PRMT7: variants seen among roughly 807,000 people sequenced by gnomAD.
PRMT7 encodes the protein protein arginine methyltransferase 7, also known as protein arginine N-methyltransferase 7.
A neutral mutation model predicts 85.4 loss-of-function variants in PRMT7; 75 were observed. The ratio of observed to expected loss-of-function variants is 0.88; its 90% CI spans 0.73 to 1.06. PRMT7 has a LOEUF of 1.06. Among genes scored for constraint, PRMT7 ranks in the 50% least tolerant of loss-of-function variants. PRMT7 has a pLI of 0.00. For synonymous variants in PRMT7, 397 were observed against 359.5 expected, an observed-to-expected ratio of 1.10 and a Z score of -1.18; for missense variants, 868 against 915.2, an observed-to-expected ratio of 0.95 and a Z score of 0.67.
downstream of PRMT7, chr16:68,360,433 T>A (rs1597573980): frequency 6.6e-6 from 1 of 151,860 alleles, no homozygotes; most frequent in Non-Finnish European, 1.5e-5. Context: ...AGGCCCAGGG[T>A]GCCAGAGCCT....
At chr16:68,314,933 A>T (rs2044494952) in intron 2 of PRMT7, among the ~76,000 whole-genome samples, 1 of 152,142 alleles carries the variant, frequency 6.6e-6, no homozygotes, top group Non-Finnish European at 1.5e-5. Context: ...TTTAAAATTA[A>T]AATTTGAATA....
At chr16:68,313,201 G>C (rs2044185871) in intron 2 of PRMT7, among the ~76,000 whole-genome samples, 1 of 152,096 alleles carries the variant, frequency 6.6e-6, no homozygotes, top group African/African-American at 2.4e-5. Context: ...GAATCCTATG[G>C]ATTAAAGTTC....
chr16:68,338,301 A>G (rs1597345609), intron 7 of PRMT7, among the ~76,000 whole-genome samples: 1 of 151,956 alleles, frequency 6.6e-6, no homozygotes, highest in East Asian at 1.9e-4. Context: ...GTGTAGAGAT[A>G]TCGATGCTAG....
chr16:68,352,202 C>T, intron 14 of PRMT7, 46 bp from the exon 15 acceptor site: 5 of 1,595,802 alleles, frequency 3.1e-6, no homozygotes, highest in East Asian at 2.2e-5. Flanking sequence ...CACTCCTGGA[C>T]CGAGCCCTAC....
At chr16:68,332,477 C>T (rs957414577) in intron 6 of PRMT7, among the ~76,000 whole-genome samples, 5 of 152,194 alleles carry the variant, frequency 3.3e-5, no homozygotes, top group African/African-American at 1.2e-4. Context: ...GCTCTAGGTG[C>T]TCAGCAGGGT....
At chr16:68,340,589 A>C (rs2085363332) in intron 9 of PRMT7, among the ~76,000 whole-genome samples, 1 of 152,184 alleles carries the variant, frequency 6.6e-6, no homozygotes, top group Admixed American at 6.5e-5. Flanking sequence ...TCTAAAAAAA[A>C]AAAAAAAGAG....
At chr16:68,324,187 A>G (rs931362881) in intron 4 of PRMT7, 2 of 155,314 alleles carry the variant, frequency 1.3e-5, no homozygotes, top group Admixed American at 6.3e-5. Flanking sequence ...AGAAGCCACA[A>G]GCATTGAGGA....
intron 14 of PRMT7, chr16:68,352,019 C>T (rs927277387): frequency 2.0e-6 from 1 of 493,958 alleles, no homozygotes; most frequent in African/African-American, 2.0e-5. Context: ...TCTTTACAGC[C>T]TCCAGGGCAG....
At chr16:68,330,173 C>T (rs1202524698) in intron 6 of PRMT7, among the ~76,000 whole-genome samples, 3 of 152,150 alleles carry the variant, frequency 2.0e-5, no homozygotes, top group East Asian at 1.9e-4. Context: ...GGATTATAAG[C>T]GTGAGCCACC....
intron 18 of PRMT7, 72 bp from the exon 19 acceptor site, chr16:68,356,982 G>A (rs1283389308): frequency 5.3e-6 from 8 of 1,506,858 alleles, no homozygotes; most frequent in Non-Finnish European, 7.2e-6. Context: ...AGCTGCCTGG[G>A]CTGGAGGCTG....
intron 6 of PRMT7, among the ~76,000 whole-genome samples, chr16:68,332,668 A>G (rs1431308207): frequency 1.3e-5 from 2 of 152,068 alleles, no homozygotes; most frequent in Non-Finnish European, 1.5e-5. Flanking sequence ...TTTTCTGTGT[A>G]ATTTCCTCTC....
At chr16:68,314,866 A>G (rs1286833917) in intron 2 of PRMT7, among the ~76,000 whole-genome samples, 1 of 152,172 alleles carries the variant, frequency 6.6e-6, no homozygotes, top group Non-Finnish European at 1.5e-5. Context: ...ATCTGGTGAC[A>G]TTTTACTTGT....
In PRMT7 at chr16:68,357,757, C is replaced by CT. The variant is rs753007363; in HGVS notation, c.*536dup. 5 of 153,360 alleles carry CT rather than the reference C, an allele frequency of 3.3e-5. No homozygotes were observed. The highest frequency in any genetic ancestry group is 5.8e-5 in the Non-Finnish European group (4 of 69,122). 9.5% of individuals were successfully genotyped at this position (153,360 alleles called of 1,614,324 possible). On this transcript the variant is annotated 3_prime_UTR_variant, in exon 19 of 19. Transcript: ENST00000441236. ...GGGCTGAGAGGCCTGGGTTCTGGCC[C>CT]TTTCACCTGACAGGTAACTTCAAGC...
intron 1 of PRMT7, chr16:68,311,831 C>G (rs2043780514): frequency 6.6e-6 from 1 of 151,262 alleles, no homozygotes; most frequent in Admixed American, 6.6e-5. Context: ...TCCTCAGAGT[C>G]CTTCTGTAAC....
chr16:68,313,285 C>T (rs184285706), intron 2 of PRMT7, among the ~76,000 whole-genome samples: 13 of 152,008 alleles, frequency 8.6e-5, no homozygotes, highest in South Asian at 2.1e-4. Flanking sequence ...GAGGGAGGCA[C>T]GTCTGACACA....
chr16:68,328,981 C>A, intron 5 of PRMT7, 85 bp from the exon 6 acceptor site: 1 of 892,712 alleles, frequency 1.1e-6, no homozygotes, highest in Non-Finnish European at 1.8e-6. Flanking sequence ...GGACCAGAAT[C>A]AAGGAATAGC....
chr16:68,353,358 C>G, intron 15 of PRMT7, 134 bp from the exon 16 acceptor site: 1 of 1,494,556 alleles, frequency 6.7e-7, no homozygotes, highest in Non-Finnish European at 8.8e-7. Context: ...GATCTTTGTT[C>G]TCTCTGAGCC....
At chr16:68,345,864 T>C in intron 10 of PRMT7, 62 bp downstream of exon 10, 1 of 1,603,914 alleles carries the variant, frequency 6.2e-7, no homozygotes, top group Non-Finnish European at 8.5e-7. Flanking sequence ...AATTCCCCAT[T>C]TACAGATCCT....
intron 5 of PRMT7, among the ~76,000 whole-genome samples, chr16:68,325,563 G>A (rs1049871047): frequency 2.0e-5 from 3 of 151,980 alleles, no homozygotes; most frequent in Non-Finnish European, 2.9e-5. Flanking sequence ...GGGAGGCCGA[G>A]GCTTGGATCA....
Sources: allele counts gnomAD v4.1 joint callset (sites outside exome capture counted in the v4.1 genomes callset), GRCh38; gene constraint gnomAD v4.1.1; transcripts MANE v1.5; gene names NCBI Gene and HGNC (gene_info 2026-07-23, HGNC 2026-07-21).